Variants in PITPNM2 observed in about 807,000 individuals in gnomAD.
PITPNM2 encodes the protein membrane-associated phosphatidylinositol transfer protein 2.
In PITPNM2, 35 loss-of-function variants were observed where a neutral mutation model predicts 132.2. The observed-to-expected ratio is 0.26, with a 90% CI of 0.20 to 0.35. The LOEUF (loss-of-function observed/expected upper bound fraction) is 0.35, where lower values mean the gene tolerates loss of function less well. Ranked by LOEUF, PITPNM2 falls within the 10% of genes least tolerant of loss-of-function variation. PITPNM2 has a pLI of 1.00. For synonymous variants in PITPNM2, 738 were observed against 799.2 expected (o/e 0.92, Z 1.29); for missense variants, 1,332 against 1,912.0 (o/e 0.70, Z 5.66).
Position 122,995,501 on chromosome 12 carries a change from T to C in PITPNM2, c.1942A>G (p.Ile648Val). ...SRHLSRSNVD[I>V]PRSNGTEDPK... ...TCCTCAGTGCCGTTGCTGCGGGGGA[T>C]GTCGACGTTGCTTCGGCTCAGGTGC... The change falls in exon 14 of 26, where the codon ATC (isoleucine) becomes GTC (valine). Residue 648 changes from isoleucine to valine, a missense_variant. Around this residue, in one of 6 missense-constraint regions of PITPNM2, gnomAD observed 710 missense variants for 911.5 expected, o/e 0.78. Coordinates refer to ENST00000320201, the MANE Select transcript of PITPNM2 (RefSeq NM_020845.3). The C allele has an allele frequency of 6.2e-7, 1 of 1,613,734 alleles. No individual in the cohort carries two copies. Among genetic ancestry groups the C allele is most frequent in the Non-Finnish European group, 8.5e-7 (1 of 1,180,006 alleles).
chr12:123,048,098 C>CAA lies in PITPNM2; in HGVS notation c.-95-13415_-95-13414dup, dbSNP rs1306453044. 1.4e-3 allele frequency among the ~76,000 whole-genome samples: 100 copies of CAA among 73,474 alleles called. 1 individual carries two copies. Among genetic ancestry groups the CAA allele is most frequent in the African/African-American group, 4.4e-3 (95 of 21,576 alleles). The allele number at this position is 73,474 out of a possible 152,430, so 48.2% of individuals were successfully genotyped here. ...TGGGCAACAGAGTGAGACTCCATCTCAAAAAAAAAAAAAAAGAGACAGACA... is the reference window on the plus strand; with the variant it reads ...TGGGCAACAGAGTGAGACTCCATCTCAAAAAAAAAAAAAAAAAGAGACAGACA... On this transcript the variant is annotated intron_variant, in intron 2 of 25. Transcript: ENST00000320201.
At position 122,985,822 on chromosome 12, in the gene PITPNM2, C is replaced by T; in HGVS notation, c.*205G>A. On this transcript the variant is annotated 3_prime_UTR_variant, in exon 26 of 26. Transcript: ENST00000320201. ...GCCATCCTGGGGCTGGTGGTCCCTG[C>T]CAGCTTCCATGACAAGCCGGACCCG... 8.6e-6 allele frequency: 4 copies of T among 464,176 alleles called. No homozygotes were observed. Among genetic ancestry groups the T allele is most frequent in the Non-Finnish European group, 1.4e-5 (4 of 276,644 alleles). The allele number at this position is 464,176 out of a possible 1,614,324, so 28.8% of individuals were successfully genotyped here.
At chr12:123,047,306 G>A (rs1377014691) in intron 2 of PITPNM2, among the ~76,000 whole-genome samples, 1 of 152,182 alleles carries the variant, frequency 6.6e-6, no homozygotes, top group Non-Finnish European at 1.5e-5. Flanking sequence ...CTGGCTGAGG[G>A]AAAGCCCCAC....
At position 123,099,869 on chromosome 12, in the gene PITPNM2, A is replaced by C. The variant is rs1173255015; in HGVS notation, c.-96+10516T>G. Among the ~76,000 whole-genome samples, 1 of 152,144 alleles carries C rather than the reference A, an allele frequency of 6.6e-6. No homozygotes were observed. The highest frequency in any genetic ancestry group is 2.4e-5 in the African/African-American group (1 of 41,428). ...AGGCCTATTCCCAGGGGCAATCAGA[A>C]GACTAGAAAGCACTGAAAGAGGCAG... On this transcript the variant is annotated intron_variant, in intron 2 of 25. Transcript: ENST00000320201. The surrounding 1 kb of genome is among the most constrained non-coding windows in gnomAD (Gnocchi z 4.2).
intron 17 of PITPNM2, 84 bp downstream of exon 17, chr12:122,990,461 G>T: frequency 1.3e-6 from 2 of 1,542,746 alleles, no homozygotes; most frequent in Admixed American, 1.9e-5. Context: ...AGCTAGAAAT[G>T]CTCCTAGACA....
At chr12:123,068,667 C>A (rs1168110434) in intron 2 of PITPNM2, among the ~76,000 whole-genome samples, 1 of 152,050 alleles carries the variant, frequency 6.6e-6, no homozygotes, top group African/African-American at 2.4e-5. Flanking sequence ...TTTTGGAGAC[C>A]CTCCCATAAT....
At chr12:123,025,430 GA>G (rs2039823757) in intron 3 of PITPNM2, among the ~76,000 whole-genome samples, 1 of 147,488 alleles carries the variant, frequency 6.8e-6, no homozygotes. Context: ...ATGTGGACCA[GA>G]TTTTTTTTTT....
chr12:122,985,922 A>G lies in PITPNM2; in HGVS notation c.*105T>C. The G allele has an allele frequency of 9.0e-7, 1 of 1,104,988 alleles. No individual in the cohort carries two copies. The allele number at this position is 1,104,988 out of a possible 1,614,324, so 68.4% of individuals were successfully genotyped here. On this transcript the variant is annotated 3_prime_UTR_variant, in exon 26 of 26. Coordinates refer to ENST00000320201, the MANE Select transcript of PITPNM2 (RefSeq NM_020845.3). ...CGTGTCCTCCACAAGGCCCTGGGAC[A>G]ATCTCCCAGGCCCACGTCAGTGCGT...
intron 2 of PITPNM2, among the ~76,000 whole-genome samples, chr12:123,045,794 C>T (rs1399147871): frequency 6.6e-6 from 1 of 152,210 alleles, no homozygotes; most frequent in Non-Finnish European, 1.5e-5. Context: ...ATGCTGGAGT[C>T]TCAGTAGCCA....
rs578128767 is a variant in PITPNM2 at position 123,064,025 on chromosome 12, G to A, written c.-95-29340C>T. On this transcript the variant is annotated intron_variant, in intron 2 of 25. Transcript: ENST00000320201. The surrounding 1 kb of genome is among the most constrained non-coding windows in gnomAD (Gnocchi z 4.0). ...CCGCTATTATTACTATAATGATGAT[G>A]GTGATGGTGATGGTGATGCTGGGGA... is the stretch of plus-strand genomic sequence containing the variant. Among the ~76,000 whole-genome samples the A allele has an allele frequency of 1.5e-4, 23 of 152,266 alleles. 1 individual carries two copies. The South Asian group carries it at 3.9e-3, about 26-fold the overall frequency.
intron 3 of PITPNM2, chr12:123,021,542 T>G (rs578199497): frequency 2.1e-5 from 13 of 619,506 alleles, no homozygotes; most frequent in Middle Eastern, 8.1e-4. Flanking sequence ...CTCAAAATGC[T>G]GGGATTACAG....
In PITPNM2 at chr12:122,995,664, G is replaced by A. The variant is rs1265585256; in HGVS notation, c.1783-4C>T. On this transcript the variant is annotated splice_region_variant and splice_polypyrimidine_tract_variant and intron_variant, in intron 13 of 25. Transcript: ENST00000320201. Reference sequence around the variant, plus strand: ...CCGGGGACAGCAGGTCATTGTCCTGGAACGGCCCCGTGGAGGCTCACTGCC... The same window carrying A: ...CCGGGGACAGCAGGTCATTGTCCTGAAACGGCCCCGTGGAGGCTCACTGCC... The A allele has an allele frequency of 7.6e-6, 12 of 1,584,204 alleles. No individual in the cohort carries two copies. Among genetic ancestry groups the A allele is most frequent in the Non-Finnish European group, 9.4e-6 (11 of 1,168,934 alleles).
intron 2 of PITPNM2, among the ~76,000 whole-genome samples, chr12:123,107,823 A>G (rs1309143836): frequency 6.6e-6 from 1 of 152,234 alleles, no homozygotes; most frequent in Non-Finnish European, 1.5e-5. Context: ...GATGGCACCC[A>G]AAGGCAAGTC....
In PITPNM2 at chr12:123,030,429, C is replaced by G. The variant is rs565284011; in HGVS notation, c.78+4084G>C. Among the ~76,000 whole-genome samples, 6 of 152,302 alleles carry G rather than the reference C, an allele frequency of 3.9e-5. No individual in the cohort carries two copies. The East Asian group carries it at 1.2e-3, about 29-fold the overall frequency. ...TACTTGTAGGCCGGGCGCGGTGGCT[C>G]ACGCCTGTAATCCCAGCACTTTGGG... is the stretch of plus-strand genomic sequence containing the variant. On this transcript the variant is annotated intron_variant, in intron 3 of 25. Coordinates refer to ENST00000320201, the MANE Select transcript of PITPNM2 (RefSeq NM_020845.3).
chr12:122,999,897 T>TG (rs572783070), intron 10 of PITPNM2, among the ~76,000 whole-genome samples: 5 of 152,120 alleles, frequency 3.3e-5, no homozygotes, highest in African/African-American at 4.8e-5. Context: ...GCCCCTCCCC[T>TG]GGGGGGGCGT....
At chr12:123,149,403 G>A (rs1249961996) in intron 1 of PITPNM2, among the ~76,000 whole-genome samples, 1 of 152,214 alleles carries the variant, frequency 6.6e-6, no homozygotes, top group Admixed American at 6.5e-5. Context: ...TCTGCAGTGG[G>A]AGAGGGCTGG....
At position 123,004,728 on chromosome 12, in the gene PITPNM2, G is replaced by A. The variant is rs1425002328; in HGVS notation, c.953-239C>T. On this transcript the variant is annotated intron_variant, in intron 7 of 25. Transcript: ENST00000320201. The surrounding 1 kb of genome is among the most constrained non-coding windows in gnomAD (Gnocchi z 4.9). ...TGTCCCGGGGAGCATGGGTGGGGAA[G>A]AGCATGACAGACATAAGCCCAGGAC... is the stretch of plus-strand genomic sequence containing the variant. 6 of 602,350 alleles carry A rather than the reference G, an allele frequency of 1.0e-5. No homozygotes were observed. In the African/African-American group the frequency reaches 1.1e-4, roughly 11 times the overall value. The allele number at this position is 602,350 out of a possible 1,614,324, so 37.3% of individuals were successfully genotyped here. A position where few individuals can be genotyped will look rare whatever the true frequency, so the allele number is the denominator to read the frequency against.
chr12:123,146,305 A>C (rs1411053061), intron 1 of PITPNM2, among the ~76,000 whole-genome samples: 1 of 152,132 alleles, frequency 6.6e-6, no homozygotes, highest in Non-Finnish European at 1.5e-5. Flanking sequence ...CTGAACTTAA[A>C]AGTTAACAGC....
intron 8 of PITPNM2, 91 bp from the exon 9 acceptor site, chr12:123,001,249 C>G: frequency 1.0e-6 from 1 of 954,230 alleles, no homozygotes; most frequent in Non-Finnish European, 1.7e-6. Context: ...TACGGCTCTG[C>G]TCTGACCGTT....
Sources: allele counts gnomAD v4.1 joint callset (sites outside exome capture counted in the v4.1 genomes callset), GRCh38; gene constraint gnomAD v4.1.1; regional missense constraint gnomAD v4.1.1; non-coding constraint Gnocchi (gnomAD v3.1); transcripts MANE v1.5; gene names NCBI Gene and HGNC (gene_info 2026-07-23, HGNC 2026-07-21).